The following ZNF831 variants were observed in gnomAD, a reference collection of about 807,000 sequenced individuals.
The protein encoded by ZNF831 is zinc finger protein 831, also known as chromosome 20 open reading frame 174.
Under a neutral mutation model 95.8 loss-of-function variants are expected in ZNF831, and 59 were observed. That is an observed-to-expected ratio of 0.62 (90% CI 0.50 to 0.77). The LOEUF is 0.77. Among genes scored for constraint, ZNF831 ranks in the 30% least tolerant of loss-of-function variants. The pLI is 0.00. For synonymous variants in ZNF831, 961 were observed against 925.5 expected, an observed-to-expected ratio of 1.04 and a Z score of -0.70; for missense variants, 2,205 against 2,164.0, an observed-to-expected ratio of 1.02 and a Z score of -0.38.
rs1988065200 is a variant in ZNF831 at position 59,254,293 on chromosome 20, C to G, written c.4584C>G (p.Ser1528=). The G allele has an allele frequency of 6.2e-7, 1 of 1,613,970 alleles. No homozygotes were observed. Among genetic ancestry groups the G allele is most frequent in the Non-Finnish European group, 8.5e-7 (1 of 1,179,946 alleles). The change falls in exon 6 of 6, where the codon TCC becomes TCG. Residue 1528 remains serine (S), a synonymous_variant. Transcript: ENST00000371030. The surrounding 1 kb of genome is among the most constrained non-coding windows in gnomAD (Gnocchi z 4.5). ...QTAGRTLTSS[S]PDSKVTEEGR... ...CAGGGAGGACTCTGACATCAAGCTC[C>G]CCAGACAGCAAAGTCACAGAAGAGG...
Position 59,191,415 on chromosome 20 carries a change from G to A in ZNF831, c.396G>A (p.Leu132=), listed in dbSNP as rs2146547449. 1 of 1,611,562 alleles carries A rather than the reference G, an allele frequency of 6.2e-7. No individual in the cohort carries two copies. Among genetic ancestry groups the A allele is most frequent in the African/African-American group, 1.3e-5 (1 of 75,058 alleles). The change falls in exon 2 of 6, where the codon CTG becomes CTA. Residue 132 remains leucine, a synonymous_variant. Transcript: ENST00000371030. ...PVLSPGLGPT[L]GSPGKVRNAG... ...TGTCGCCGGGCCTGGGCCCCACGCT[G>A]GGCAGCCCAGGCAAGGTGCGGAATG...
chr20:59,200,095 GA>G (rs1001924291), intron 3 of ZNF831, among the ~76,000 whole-genome samples: 8 of 152,140 alleles, frequency 5.3e-5, no homozygotes, highest in Admixed American at 5.2e-4. Context: ...TCTGTCTTTT[GA>G]AAGTCTTTTA....
chr20:59,217,063 A>G lies in ZNF831; in HGVS notation c.4027+10007A>G, dbSNP rs1362417065. On this transcript the variant is annotated intron_variant, in intron 4 of 5. Coordinates refer to ENST00000371030, the MANE Select transcript of ZNF831 (RefSeq NM_178457.3). This position sits in a 1 kb window ranked among gnomAD's most constrained non-coding sequence, Gnocchi z 4.4. ...TACTTAACACATAAAAATGCAATAG[A>G]TAAGGCTGATGTTCAGTTTCACCAC... 6.6e-6 allele frequency among the ~76,000 whole-genome samples: 1 copy of G among 152,230 alleles called. No individual in the cohort carries two copies. The highest frequency in any genetic ancestry group is 1.9e-4 in the East Asian group (1 of 5,196).
At chr20:59,218,308 C>T (rs1466911404) in intron 4 of ZNF831, among the ~76,000 whole-genome samples, 1 of 152,176 alleles carries the variant, frequency 6.6e-6, no homozygotes, top group Admixed American at 6.5e-5. Context: ...TTATTATTCC[C>T]AAACAGATTC....
chr20:59,213,838 T>A (rs531722292), intron 4 of ZNF831, among the ~76,000 whole-genome samples: 1 of 152,190 alleles, frequency 6.6e-6, no homozygotes, highest in Non-Finnish European at 1.5e-5. Flanking sequence ...CTCCGTTTTA[T>A]GGATGGAAGC....
At chr20:59,213,608 C>T (rs1985487924) in intron 4 of ZNF831, among the ~76,000 whole-genome samples, 1 of 152,132 alleles carries the variant, frequency 6.6e-6, no homozygotes, top group Non-Finnish European at 1.5e-5. Context: ...CTTGAGGTTC[C>T]TGAAGCTTAG....
chr20:59,167,362 GA>G lies in ZNF831; in HGVS notation c.-37+3157del, dbSNP rs200395205. ...GTCCCTTGTCAGATATGTTGTTTGT[GA>G]ATACTTTCTCCAGATCTGTAGCTAG... On this transcript the variant is annotated intron_variant, in intron 1 of 5. Coordinates refer to ENST00000371030, the MANE Select transcript of ZNF831 (RefSeq NM_178457.3). Among the ~76,000 whole-genome samples the G allele has an allele frequency of 7.9e-3, 1,197 of 151,112 alleles. 10 individuals carry two copies. Among genetic ancestry groups the G allele is most frequent in the Admixed American group, 0.017 (266 of 15,206 alleles).
intron 4 of ZNF831, among the ~76,000 whole-genome samples, chr20:59,245,511 C>T (rs748913077): frequency 1.3e-5 from 2 of 152,116 alleles, no homozygotes; most frequent in Admixed American, 6.5e-5. Flanking sequence ...TGACATTTGG[C>T]GACACTCCAT....
Position 59,253,002 on chromosome 20 carries a change from C to G in ZNF831, c.4052C>G (p.Ser1351Cys). The change falls in exon 5 of 6, where the codon TCT (serine) becomes TGT (cysteine). Residue 1351 changes from serine to cysteine, a missense_variant. Physicochemically the swap from Ser to Cys is moderately radical, Grantham distance 112. Coordinates refer to ENST00000371030, the MANE Select transcript of ZNF831 (RefSeq NM_178457.3). ...GGTCTGAATCTGCAAGAGGAGCCATCTTGTGCCACCTCAGAATCACCTCCT... is the reference window on the plus strand; with the variant it reads ...GGTCTGAATCTGCAAGAGGAGCCATGTTGTGCCACCTCAGAATCACCTCCT... ...IAGLNLQEEP[S>C]CATSESPPCC... 2 of 1,613,980 alleles carry G rather than the reference C, an allele frequency of 1.2e-6. No individual in the cohort carries two copies. Among genetic ancestry groups the G allele is most frequent in the African/African-American group, 2.7e-5 (2 of 75,026 alleles).
intron 4 of ZNF831, among the ~76,000 whole-genome samples, chr20:59,224,061 CCTT>C (rs1986279021): frequency 6.6e-6 from 1 of 152,234 alleles, no homozygotes. Flanking sequence ...GGAAACACGT[CCTT>C]CTTTTCCGTT....
At chr20:59,246,264 G>C (rs1000962409) in intron 4 of ZNF831, among the ~76,000 whole-genome samples, 5 of 152,144 alleles carry the variant, frequency 3.3e-5, no homozygotes, top group Non-Finnish European at 7.3e-5. Flanking sequence ...TTTCTCATTA[G>C]AATTAATGGA....
intron 1 of ZNF831, among the ~76,000 whole-genome samples, chr20:59,129,738 C>G (rs187378041): frequency 6.6e-6 from 1 of 152,310 alleles, no homozygotes; most frequent in Non-Finnish European, 1.5e-5. Flanking sequence ...CTCATTGGTT[C>G]TCCACCTCTG....
Position 59,218,581 on chromosome 20 carries a change from G to A in ZNF831, c.4027+11525G>A, listed in dbSNP as rs376862819. 5.7e-4 allele frequency among the ~76,000 whole-genome samples: 87 copies of A among 151,406 alleles called. 1 individual carries two copies. The South Asian group carries it at 0.017, about 30-fold the overall frequency. On this transcript the variant is annotated intron_variant, in intron 4 of 5. Transcript: ENST00000371030. ...GGTCCTGCCCAGCTGTTCCATGCTT[G>A]TGTTAGCGTGACTGTTTTTTTTTTT...
Position 59,212,409 on chromosome 20 carries a change from C to T in ZNF831, c.4027+5353C>T, listed in dbSNP as rs550917248. On this transcript the variant is annotated intron_variant, in intron 4 of 5. Transcript: ENST00000371030. ...GACAACTGAGTCTTTTTTCCCTAAT[C>T]CTAAATCCGGTAGTCCATTCCATCC... 1.1e-4 allele frequency among the ~76,000 whole-genome samples: 17 copies of T among 152,200 alleles called. No individual in the cohort carries two copies. The South Asian group carries it at 2.9e-3, about 26-fold the overall frequency.
At chr20:59,250,518 A>G (rs751253231) in intron 4 of ZNF831, among the ~76,000 whole-genome samples, 65 of 152,322 alleles carry the variant, frequency 4.3e-4, no homozygotes, top group Non-Finnish European at 7.9e-4. Context: ...TTTCCTAAAC[A>G]TAAGCAGCGA....
At chr20:59,157,092 C>G (rs1176110624) in intron 2 of ZNF831, among the ~76,000 whole-genome samples, 1 of 152,116 alleles carries the variant, frequency 6.6e-6, no homozygotes, top group Non-Finnish European at 1.5e-5. Context: ...TGATTATACT[C>G]TTTTAATTTT....
rs1342165265 is a variant in ZNF831 at position 59,217,160 on chromosome 20, C to CTGTGTG, written c.4027+10105_4027+10106insGTGTGT. Among the ~76,000 whole-genome samples, 34 of 114,720 alleles carry CTGTGTG rather than the reference C, an allele frequency of 3.0e-4. 1 individual carries two copies. Among genetic ancestry groups the CTGTGTG allele is most frequent in the African/African-American group, 1.4e-3 (31 of 22,268 alleles). The allele number at this position is 114,720 out of a possible 152,430, so 75.3% of individuals were successfully genotyped here. ...TGGAGTACATCTGACAGATCTTCAT[C>CTGTGTG]TCTGTGTGTGTGTGTGTGTGTGTGT... On this transcript the variant is annotated intron_variant, in intron 4 of 5. Coordinates refer to ENST00000371030, the MANE Select transcript of ZNF831 (RefSeq NM_178457.3). The surrounding 1 kb of genome is among the most constrained non-coding windows in gnomAD (Gnocchi z 4.4).
In ZNF831 at chr20:59,169,464, G is replaced by A. The variant is rs1475893011; in HGVS notation, c.-37+5257G>A. 6.6e-6 allele frequency among the ~76,000 whole-genome samples: 1 copy of A among 152,134 alleles called. No individual in the cohort carries two copies. The highest frequency in any genetic ancestry group is 1.5e-5 in the Non-Finnish European group (1 of 68,018). On this transcript the variant is annotated intron_variant, in intron 1 of 5. Coordinates refer to ENST00000371030, the MANE Select transcript of ZNF831 (RefSeq NM_178457.3). This position sits in a 1 kb window ranked among gnomAD's most constrained non-coding sequence, Gnocchi z 4.1. ...TTTGTCCTTTGTCAGTTTTTGTAGAGATTCTAAAGACCAATTTTAGGCTGG... is the reference window on the plus strand; with the variant it reads ...TTTGTCCTTTGTCAGTTTTTGTAGAAATTCTAAAGACCAATTTTAGGCTGG...
At chr20:59,125,341 T>C (rs1979138596) in intron 1 of ZNF831, among the ~76,000 whole-genome samples, 1 of 152,220 alleles carries the variant, frequency 6.6e-6, no homozygotes, top group Non-Finnish European at 1.5e-5. Flanking sequence ...AGTGCTGGCT[T>C]CTGTGACTTG....
Sources: allele counts gnomAD v4.1 joint callset (sites outside exome capture counted in the v4.1 genomes callset), GRCh38; gene constraint gnomAD v4.1.1; non-coding constraint Gnocchi (gnomAD v3.1); transcripts MANE v1.5; gene names NCBI Gene and HGNC (gene_info 2026-07-23, HGNC 2026-07-21).